The following BRINP1 variants were observed in gnomAD, a reference collection of about 807,000 sequenced individuals.
BRINP1 encodes BMP/retinoic acid-inducible neural-specific protein 1.
A neutral mutation model predicts 72.9 loss-of-function variants in BRINP1; 17 were observed. The observed-to-expected ratio is 0.23, with a 90% confidence interval of 0.16 to 0.35. The LOEUF is 0.35. Among genes scored for constraint, BRINP1 ranks in the 10% least tolerant of loss-of-function variants. The pLI is 1.00. For synonymous variants in BRINP1, 418 were observed against 378.5 expected (o/e 1.10, Z -1.21); for missense variants, 850 against 1,001.6 (o/e 0.85, Z 2.04).
At chr9:119,192,912 G>C (rs1829696760) in intron 7 of BRINP1, among the ~76,000 whole-genome samples, 1 of 151,942 alleles carries the variant, frequency 6.6e-6, no homozygotes, top group African/African-American at 2.4e-5. Flanking sequence ...GTATCTACTG[G>C]GAACTGGCTC....
chr9:119,224,754 C>T (rs1243064112), intron 5 of BRINP1, among the ~76,000 whole-genome samples: 3 of 152,022 alleles, frequency 2.0e-5, no homozygotes, highest in Non-Finnish European at 4.4e-5. Context: ...ACAATGTCTC[C>T]TAAAGTGTCT....
chr9:119,179,309 T>G (rs1387302552), intron 7 of BRINP1, among the ~76,000 whole-genome samples: 1 of 152,186 alleles, frequency 6.6e-6, no homozygotes. Context: ...ATCTTTCTGT[T>G]GGATGGGATT....
Position 119,334,786 on chromosome 9 carries a change from G to A in BRINP1, c.-50-21381C>T, listed in dbSNP as rs564002795. Among the ~76,000 whole-genome samples, 9 of 151,932 alleles carry A rather than the reference G, an allele frequency of 5.9e-5. No individual in the cohort carries two copies. The East Asian group carries it at 1.7e-3, about 30-fold the overall frequency. ...ACTTGCACTTTATGGAGGGGGTGGGGGAGGGGAATAGAGAGAGAGAGAGAA... is the reference window on the plus strand; with the variant it reads ...ACTTGCACTTTATGGAGGGGGTGGGAGAGGGGAATAGAGAGAGAGAGAGAA... On this transcript the variant is annotated intron_variant, in intron 1 of 7. Coordinates refer to ENST00000265922, the MANE Select transcript of BRINP1 (RefSeq NM_014618.3).
At chr9:119,272,630 G>C (rs779741800) in intron 2 of BRINP1, among the ~76,000 whole-genome samples, 2 of 152,190 alleles carry the variant, frequency 1.3e-5, no homozygotes, top group Non-Finnish European at 2.9e-5. Context: ...GTCAGGAGAA[G>C]GGGAACATGG....
chr9:119,355,740 A>G (rs1183715837), intron 1 of BRINP1, among the ~76,000 whole-genome samples: 1 of 151,848 alleles, frequency 6.6e-6, no homozygotes, highest in African/African-American at 2.4e-5. Context: ...AAAAAAAAAA[A>G]AAAAAGATAC....
chr9:119,325,496 A>T (rs1322659515), intron 1 of BRINP1, among the ~76,000 whole-genome samples: 2 of 152,022 alleles, frequency 1.3e-5, no homozygotes, highest in East Asian at 3.9e-4. Flanking sequence ...TGCCAGTCTT[A>T]TTCTTCTCCC....
At position 119,172,405 on chromosome 9, in the gene BRINP1, C is replaced by T. The variant is rs1829424708; in HGVS notation, c.1146-4181G>A. Among the ~76,000 whole-genome samples, 4 of 152,216 alleles carry T rather than the reference C, an allele frequency of 2.6e-5. No individual in the cohort carries two copies. In the South Asian group the frequency reaches 8.3e-4, roughly 32 times the overall value. On this transcript the variant is annotated intron_variant, in intron 7 of 7. Transcript: ENST00000265922. ...GAAGAAATGGATAAATTCCTCCACA[C>T]ATACGCTCTCCCAAGACTAAACCAG...
chr9:119,182,704 CTTCAGAGCTGTGAAAAATAAA>C (rs1337002691), intron 7 of BRINP1, among the ~76,000 whole-genome samples: 1 of 152,314 alleles, frequency 6.6e-6, no homozygotes, highest in South Asian at 2.1e-4. Context: ...ACTTCCCAAC[CTTCAGAGCTGTGAAAAATAAA>C]TTCATGCTAC....
intron 2 of BRINP1, among the ~76,000 whole-genome samples, chr9:119,265,358 G>C (rs1830537474): frequency 6.6e-6 from 1 of 152,032 alleles, no homozygotes; most frequent in Non-Finnish European, 1.5e-5. Context: ...CTGGCACTTT[G>C]GGAGGCCAAG....
chr9:119,167,051 C>T lies in BRINP1; in HGVS notation c.*33G>A. 4 of 1,557,808 alleles carry T rather than the reference C, an allele frequency of 2.6e-6. No individual in the cohort carries two copies. Among genetic ancestry groups the T allele is most frequent in the Non-Finnish European group, 3.5e-6 (4 of 1,149,896 alleles). ...ATTTTGTTCTGTTGTGTGTGTACAACAACAGGAAAAGTCCATGGCAAGGAG... is the reference window on the plus strand; with the variant it reads ...ATTTTGTTCTGTTGTGTGTGTACAATAACAGGAAAAGTCCATGGCAAGGAG... On this transcript the variant is annotated 3_prime_UTR_variant, in exon 8 of 8. Transcript: ENST00000265922. The surrounding 1 kb of genome is among the most constrained non-coding windows in gnomAD (Gnocchi z 4.3).
chr9:119,240,751 C>A (rs554485674), intron 4 of BRINP1, among the ~76,000 whole-genome samples: 1 of 152,294 alleles, frequency 6.6e-6, no homozygotes, highest in African/African-American at 2.4e-5. Context: ...TCTCTCCCTC[C>A]CACACTTTTC....
chr9:119,357,255 A>ATG (rs748962199), intron 1 of BRINP1, among the ~76,000 whole-genome samples: 229 of 148,746 alleles, frequency 1.5e-3, no homozygotes, highest in Middle Eastern at 3.4e-3. Flanking sequence ...GTGCACGTGC[A>ATG]TGTGTGTGTG....
intron 1 of BRINP1, among the ~76,000 whole-genome samples, chr9:119,332,381 G>A (rs943309272): frequency 6.6e-6 from 1 of 152,086 alleles, no homozygotes; most frequent in Non-Finnish European, 1.5e-5. Context: ...ACAACCTATG[G>A]GATAGTTGTG....
At chr9:119,291,206 T>C (rs866985491) in intron 2 of BRINP1, among the ~76,000 whole-genome samples, 5 of 152,214 alleles carry the variant, frequency 3.3e-5, no homozygotes, top group African/African-American at 1.2e-4. Context: ...GATAGAATTA[T>C]GCATCCCCAT....
At chr9:119,340,116 C>T (rs1349079069) in intron 1 of BRINP1, among the ~76,000 whole-genome samples, 2 of 152,090 alleles carry the variant, frequency 1.3e-5, no homozygotes, top group African/African-American at 2.4e-5. Context: ...GAGTTGACAC[C>T]TAAAATGATT....
intron 2 of BRINP1, among the ~76,000 whole-genome samples, chr9:119,272,142 G>A (rs551252022): frequency 2.7e-5 from 4 of 148,962 alleles, no homozygotes; most frequent in Admixed American, 6.7e-5. Flanking sequence ...GCAGTGGCGC[G>A]ATCTTGGCTC....
At chr9:119,261,064 A>G (rs894270687) in intron 2 of BRINP1, among the ~76,000 whole-genome samples, 2 of 152,190 alleles carry the variant, frequency 1.3e-5, no homozygotes, top group African/African-American at 4.8e-5. Context: ...TCAATAAAGC[A>G]AGTCCTTGCT....
intron 7 of BRINP1, among the ~76,000 whole-genome samples, chr9:119,174,948 C>G (rs1438364790): frequency 7.0e-6 from 1 of 142,120 alleles, no homozygotes; most frequent in Non-Finnish European, 1.5e-5. Flanking sequence ...AGGGGAATAT[C>G]ACACTCTGGG....
In BRINP1 at chr9:119,269,443, T is replaced by C. The variant is rs76628851; in HGVS notation, c.219-20293A>G. ...TGTCTTATTCCCTCCAGTGCTTGCA[T>C]TGGGATTGTGAGAGTTTGCCCATAT... On this transcript the variant is annotated intron_variant, in intron 2 of 7. Coordinates refer to ENST00000265922, the MANE Select transcript of BRINP1 (RefSeq NM_014618.3). Among the ~76,000 whole-genome samples the C allele has an allele frequency of 6.5e-4, 99 of 152,290 alleles. 2 individuals carry two copies. The East Asian group carries it at 0.014, about 22-fold the overall frequency.
Sources: allele counts gnomAD v4.1 joint callset (sites outside exome capture counted in the v4.1 genomes callset), GRCh38; gene constraint gnomAD v4.1.1; non-coding constraint Gnocchi (gnomAD v3.1); transcripts MANE v1.5; gene names NCBI Gene and HGNC (gene_info 2026-07-23, HGNC 2026-07-21).